PIK3R1: variants seen among roughly 807,000 people sequenced by gnomAD.
PIK3R1 encodes phosphoinositide-3-kinase regulatory subunit 1, also known as phosphatidylinositol 3-kinase regulatory subunit alpha.
A neutral mutation model predicts 98.0 loss-of-function variants in PIK3R1; 29 were observed. The observed-to-expected ratio is 0.30, with a 90% CI of 0.22 to 0.40. The LOEUF is 0.40. PIK3R1 is among the 10% of genes least tolerant of loss of function. PIK3R1 has a pLI of 1.00. For synonymous variants in PIK3R1, 282 were observed against 311.8 expected (o/e 0.90, Z 1.01); for missense variants, 596 against 872.7 (o/e 0.68, Z 3.99).
At chr5:68,268,895 G>T (rs1746230675) in intron 2 of PIK3R1, among the ~76,000 whole-genome samples, 1 of 152,224 alleles carries the variant, frequency 6.6e-6, no homozygotes, top group South Asian at 2.1e-4. Flanking sequence ...CCCAAGGACT[G>T]TCGAGGCCTG....
rs193281247 is a variant in PIK3R1 at position 68,278,357 on chromosome 5, T to C, written c.503-1245T>C. On this transcript the variant is annotated intron_variant, in intron 4 of 15. Coordinates refer to ENST00000521381, the MANE Select transcript of PIK3R1 (RefSeq NM_181523.3). ...ATTATTTTCATGGATATTCTTGAGA[T>C]TGGTTGCTAAAAGTCTGTAGTATCT... Among the ~76,000 whole-genome samples the C allele has an allele frequency of 3.2e-4, 49 of 152,278 alleles. 1 individual carries two copies. The highest frequency in any genetic ancestry group is 1.4e-3 in the Admixed American group (22 of 15,302).
chr5:68,257,671 G>A (rs1015312922), intron 2 of PIK3R1, among the ~76,000 whole-genome samples: 1 of 152,110 alleles, frequency 6.6e-6, no homozygotes, highest in Admixed American at 6.5e-5. Context: ...TAAAATCCAG[G>A]AACTGTCATT....
chr5:68,278,759 A>G (rs539140344), intron 4 of PIK3R1, among the ~76,000 whole-genome samples: 1,963 of 152,082 alleles, frequency 0.013, 46 homozygotes, highest in African/African-American at 0.044. Context: ...GACCAACATG[A>G]TGAAACCCTG....
At chr5:68,217,175 GATTGTC>G (rs1215982576) in intron 1 of PIK3R1, among the ~76,000 whole-genome samples, 1 of 152,152 alleles carries the variant, frequency 6.6e-6, no homozygotes, top group African/African-American at 2.4e-5. Flanking sequence ...TGCAACATAA[GATTGTC>G]ATTTTGGTGT....
chr5:68,292,446 ATCATCCAAC>A (rs757556051), intron 8 of PIK3R1, 85 bp downstream of exon 8: 1 of 1,434,516 alleles, frequency 7.0e-7, no homozygotes, highest in East Asian at 2.3e-5. Flanking sequence ...TTTTTAGGAT[ATCATCCAAC>A]ATAAGCATGA....
At chr5:68,262,165 A>C (rs1269014108) in intron 2 of PIK3R1, among the ~76,000 whole-genome samples, 2 of 151,982 alleles carry the variant, frequency 1.3e-5, no homozygotes, top group Non-Finnish European at 2.9e-5. Context: ...CTAAAGTGTT[A>C]ATTAAAACGA....
At chr5:68,222,492 GA>G (rs1368405900) in intron 1 of PIK3R1, among the ~76,000 whole-genome samples, 12 of 152,234 alleles carry the variant, frequency 7.9e-5, no homozygotes, top group African/African-American at 2.4e-4. Context: ...TCATAGAGCA[GA>G]AATAGGCAGG....
intron 2 of PIK3R1, among the ~76,000 whole-genome samples, chr5:68,242,131 A>G (rs957509100): frequency 3.9e-5 from 6 of 152,248 alleles, no homozygotes; most frequent in East Asian, 1.9e-4. Context: ...GTGTTGTGCT[A>G]TTTGAATAGT....
At chr5:68,235,355 A>C (rs1271711986) in intron 2 of PIK3R1, among the ~76,000 whole-genome samples, 1 of 152,046 alleles carries the variant, frequency 6.6e-6, no homozygotes, top group East Asian at 1.9e-4. Context: ...GTGAGCCGAG[A>C]TTGTGCCACT....
intron 2 of PIK3R1, among the ~76,000 whole-genome samples, chr5:68,256,015 G>A (rs1226048399): frequency 2.0e-5 from 3 of 152,146 alleles, no homozygotes; most frequent in Admixed American, 1.3e-4. Context: ...TCATAGGGGC[G>A]TGTTCACAAA....
chr5:68,266,739 C>T (rs1746139141), intron 2 of PIK3R1, among the ~76,000 whole-genome samples: 1 of 152,164 alleles, frequency 6.6e-6, no homozygotes, highest in South Asian at 2.1e-4. Context: ...AATACATAGG[C>T]ATTACTTAAG....
At position 68,288,574 on chromosome 5, in the gene PIK3R1, C is replaced by T. The variant is rs886935835; in HGVS notation, c.917-3685C>T. The T allele has an allele frequency of 1.7e-5, 26 of 1,519,806 alleles. No homozygotes were observed. In the African/African-American group the frequency reaches 2.9e-4, roughly 17 times the overall value. The allele number at this position is 1,519,806 out of a possible 1,614,324, so 94.1% of individuals were successfully genotyped here. On this transcript the variant is annotated intron_variant, in intron 7 of 15. Transcript: ENST00000521381. ...GCACGCCCGGAGGGTCCTGGCGGCG[C>T]CCCCGCTCCTGCGCGCACTCTCGGC...
intron 7 of PIK3R1, among the ~76,000 whole-genome samples, chr5:68,284,839 C>T (rs1747016244): frequency 3.3e-5 from 5 of 149,528 alleles, no homozygotes. Context: ...CTAATACATC[C>T]AGCAATCCTG....
intron 7 of PIK3R1, among the ~76,000 whole-genome samples, chr5:68,287,735 C>T (rs1747137908): frequency 6.6e-6 from 1 of 152,206 alleles, no homozygotes; most frequent in African/African-American, 2.4e-5. Flanking sequence ...TGCAGAGACA[C>T]CTTTTAATTA....
chr5:68,264,344 C>T (rs1368413214), intron 2 of PIK3R1, among the ~76,000 whole-genome samples: 1 of 152,170 alleles, frequency 6.6e-6, no homozygotes, highest in Admixed American at 6.5e-5. Context: ...TCACATATGG[C>T]ATCATGCAGT....
chr5:68,288,687 T>TA, intron 7 of PIK3R1: 1 of 1,605,512 alleles, frequency 6.2e-7, no homozygotes. Flanking sequence ...TTTGGGGATT[T>TA]TTTTTTTTTC....
rs1343309584 is a variant in PIK3R1 at position 68,300,303 on chromosome 5, G to A, written c.*2702G>A. ...TTGATTACAGTGTAGCTTGCCCACC[G>A]CATTTGTCGTTTTAGATACTTTGCT... On this transcript the variant is annotated 3_prime_UTR_variant, in exon 16 of 16. Coordinates refer to ENST00000521381, the MANE Select transcript of PIK3R1 (RefSeq NM_181523.3). 2.1e-5 allele frequency: 5 copies of A among 232,674 alleles called. No homozygotes were observed. The highest frequency in any genetic ancestry group is 3.4e-5 in the Non-Finnish European group (4 of 117,828). 14.4% of individuals were successfully genotyped at this position (232,674 alleles called of 1,614,324 possible).
intron 2 of PIK3R1, among the ~76,000 whole-genome samples, chr5:68,232,043 C>T (rs1175012372): frequency 1.3e-5 from 2 of 152,092 alleles, no homozygotes; most frequent in Admixed American, 1.3e-4. Context: ...AGTGTTTGCC[C>T]TCTGTGTTTC....
chr5:68,264,317 G>A (rs537569847), intron 2 of PIK3R1, among the ~76,000 whole-genome samples: 11 of 152,262 alleles, frequency 7.2e-5, no homozygotes, highest in South Asian at 6.2e-4. Context: ...TCAGTGTCAC[G>A]TAAAGATTTT....
Sources: allele counts gnomAD v4.1 joint callset (sites outside exome capture counted in the v4.1 genomes callset), GRCh38; gene constraint gnomAD v4.1.1; transcripts MANE v1.5; gene names NCBI Gene and HGNC (gene_info 2026-07-23, HGNC 2026-07-21).